Variants in TRIM22 observed in about 807,000 individuals in gnomAD.
TRIM22 encodes the protein E3 ubiquitin-protein ligase TRIM22.
In TRIM22, 45 loss-of-function variants were observed where a neutral mutation model predicts 53.6. The observed-to-expected ratio is 0.84, with a 90% CI of 0.66 to 1.08. The LOEUF (loss-of-function observed/expected upper bound fraction) is 1.08, where lower values mean the gene tolerates loss of function less well. TRIM22 is among the 50% of genes least tolerant of loss of function. The pLI, the probability that TRIM22 is intolerant of heterozygous loss-of-function variation, is 0.00. For missense variants in TRIM22, 616 were observed against 590.9 expected (o/e 1.04, Z -0.44); for synonymous variants, 225 against 216.6 (o/e 1.04, Z -0.34).
In TRIM22 at chr11:5,710,725, T is replaced by C. The variant is rs1256369658; in HGVS notation, c.*1077T>C. ...AACTTTTATTAAATGTAAGGCACTT[T>C]TCTATGAATTTTAAATATAAAAATA... On this transcript the variant is annotated 3_prime_UTR_variant, in exon 8 of 8. Transcript: ENST00000379965. 2 of 152,206 alleles carry C rather than the reference T, an allele frequency of 1.3e-5. No homozygotes were observed. The highest frequency in any genetic ancestry group is 4.8e-5 in the African/African-American group (2 of 41,468). The allele number at this position is 152,206 out of a possible 1,614,324, so 9.4% of individuals were successfully genotyped here.
intron 4 of TRIM22, among the ~76,000 whole-genome samples, chr11:5,702,582 G>GT (rs1486852243): frequency 6.6e-6 from 1 of 151,710 alleles, no homozygotes. Flanking sequence ...TTCACATGTA[G>GT]TGCAGGTACC....
rs569499216 is a variant in TRIM22, at chr11:5,710,185, A to T, written c.*537A>T. 1 of 152,884 alleles carries T rather than the reference A, an allele frequency of 6.5e-6. No individual in the cohort carries two copies. Among genetic ancestry groups the T allele is most frequent in the African/African-American group, 2.4e-5 (1 of 41,594 alleles). 9.5% of individuals were successfully genotyped at this position (152,884 alleles called of 1,614,324 possible). A position where few individuals can be genotyped will look rare whatever the true frequency, so the allele number is the denominator to read the frequency against. On this transcript the variant is annotated 3_prime_UTR_variant, in exon 8 of 8. Coordinates refer to ENST00000379965, the MANE Select transcript of TRIM22 (RefSeq NM_006074.5). ...ATTTGAGGAAGGCACGATTTCACTCATAACAATCTTACCCTTTCTTGCAAG... is the reference window on the plus strand; with the variant it reads ...ATTTGAGGAAGGCACGATTTCACTCTTAACAATCTTACCCTTTCTTGCAAG...
At chr11:5,706,641 CTTAT>C (rs1564943605) in intron 5 of TRIM22, 25 bp downstream of exon 5, 2 of 1,593,316 alleles carry the variant, frequency 1.3e-6, no homozygotes, top group East Asian at 4.5e-5. Flanking sequence ...GAGATGTGGT[CTTAT>C]TTGTCTGAAA....
In TRIM22 at chr11:5,709,439, A is replaced by G. The variant is rs1421785857; in HGVS notation, c.1288A>G (p.Lys430Glu). 6.2e-7 allele frequency: 1 copy of G among 1,614,110 alleles called. No homozygotes were observed. ...TGAGGACTCCTCCTCTTCTGATCCC[A>G]AGGTTTTGACTCTCTTTATGGCTGT... ...AFEDSSSSDP[K>E]VLTLFMAVPP... Residue 430 changes from lysine (K) to glutamate (E), a missense_variant, in exon 8 of 8, where the codon AAG (lysine) becomes GAG (glutamate). Lys to Glu is a moderately conservative substitution (Grantham distance 56, BLOSUM62 1). Transcript: ENST00000379965.
intron 2 of TRIM22, 47 bp downstream of exon 2, chr11:5,696,702 A>C: frequency 6.5e-7 from 1 of 1,544,626 alleles, no homozygotes; most frequent in Non-Finnish European, 8.7e-7. Context: ...AGAAGATGGT[A>C]CCTAATGTGA....
chr11:5,696,532 T>C lies in TRIM22; in HGVS notation c.300T>C (p.His100=), dbSNP rs10838543. The C allele has an allele frequency of 0.49, 783,870 of 1,613,852 alleles. 193,939 individuals carry two copies. Among genetic ancestry groups the C allele is most frequent in the Non-Finnish European group, 0.51 (597,199 of 1,179,942 alleles). The change falls in exon 2 of 8, where the codon CAT becomes CAC. Residue 100 remains histidine (H), a synonymous_variant. Coordinates refer to ENST00000379965, the MANE Select transcript of TRIM22 (RefSeq NM_006074.5). ...EGQKRDVCEH[H]GKKLQIFCKE... ...AGAAGAGAGATGTCTGTGAGCACCA[T>C]GGAAAAAAACTCCAGATCTTCTGTA...
At position 5,698,544 on chromosome 11, in the gene TRIM22, A is replaced by T. The variant is rs945113468; in HGVS notation, c.749A>T (p.Gln250Leu). The T allele has an allele frequency of 6.2e-7, 1 of 1,610,720 alleles. No individual in the cohort carries two copies. The highest frequency in any genetic ancestry group is 8.5e-7 in the Non-Finnish European group (1 of 1,177,730). Residue 250 changes from glutamine to leucine, a missense_variant and splice_region_variant, in exon 4 of 8, where the codon CAG becomes CTG. By Grantham distance (113) the Gln-to-Leu change is moderately radical. Transcript: ENST00000379965. Reference protein sequence around the residue: ...RLRGSSVEMLQDVIDVMKRSE... With the variant: ...RLRGSSVEMLLDVIDVMKRSE... ...AGGGGATCGTCAGTAGAGATGCTGC[A>T]GGTAAGACTTGGGATGGAGCACCTA...
chr11:5,704,329 C>G (rs1480318998), intron 4 of TRIM22, among the ~76,000 whole-genome samples: 4 of 151,926 alleles, frequency 2.6e-5, no homozygotes, highest in African/African-American at 7.3e-5. Context: ...ACACGCTAGT[C>G]TTTTTCTTGA....
chr11:5,698,414 G>A lies in TRIM22; in HGVS notation c.619G>A (p.Glu207Lys), dbSNP rs551436710. ...GCAGAGAGAGCTGCAAAAGCTGGAG[G>A]AAGGTGAGGTGAATGTGCTGGATAA... is the stretch of plus-strand genomic sequence containing the variant. ...EEQRELQKLEEGEVNVLDNLA... is the reference protein window; with the variant it reads ...EEQRELQKLEKGEVNVLDNLA... Residue 207 changes from glutamate to lysine, a missense_variant, in exon 4 of 8, where the codon GAA (glutamate) becomes AAA (lysine). Transcript: ENST00000379965. 53 of 1,614,220 alleles carry A rather than the reference G, an allele frequency of 3.3e-5. 1 individual carries two copies. In the South Asian group the frequency reaches 5.5e-4, roughly 17 times the overall value.
chr11:5,690,471 G>A (rs1853155496), intron 1 of TRIM22, among the ~76,000 whole-genome samples: 1 of 152,152 alleles, frequency 6.6e-6, no homozygotes. Context: ...GGGAAGGGGT[G>A]TGTGTGATGA....
At chr11:5,709,024 T>G in intron 7 of TRIM22, 29 bp from the exon 8 acceptor site, 1 of 1,557,862 alleles carries the variant, frequency 6.4e-7, no homozygotes, top group Non-Finnish European at 8.8e-7. Context: ...TCCCATATCC[T>G]TCACTTGACT....
intron 7 of TRIM22, among the ~76,000 whole-genome samples, 176 bp downstream of exon 7, chr11:5,708,779 C>T (rs1308162335): frequency 5.3e-5 from 8 of 150,082 alleles, no homozygotes; most frequent in Non-Finnish European, 1.0e-4. Flanking sequence ...TGCAATGGCG[C>T]GGTCTCGGCT....
rs756680023 is a variant in TRIM22, at chr11:5,700,584, C to CTTTTTTTTTTTT, written c.750+2049_750+2060dup. Among the ~76,000 whole-genome samples the CTTTTTTTTTTTT allele has an allele frequency of 3.7e-4, 11 of 29,924 alleles. 1 individual carries two copies. The highest frequency in any genetic ancestry group is 9.0e-4 in the African/African-American group (7 of 7,746). The allele number at this position is 29,924 out of a possible 152,430, so 19.6% of individuals were successfully genotyped here. ...TAAGTATGATGTTAGCTATAGGAGT[C>CTTTTTTTTTTTT]TTTTTTTTTTTTTTTTTTTTTCAGA... On this transcript the variant is annotated intron_variant, in intron 4 of 7. Coordinates refer to ENST00000379965, the MANE Select transcript of TRIM22 (RefSeq NM_006074.5).
At chr11:5,704,793 G>A (rs987380700) in intron 4 of TRIM22, among the ~76,000 whole-genome samples, 1 of 151,990 alleles carries the variant, frequency 6.6e-6, no homozygotes, top group Admixed American at 6.6e-5. Flanking sequence ...AGTTATAGTG[G>A]TTATATGGTA....
At chr11:5,703,392 CTT>C (rs35335605) in intron 4 of TRIM22, among the ~76,000 whole-genome samples, 28 of 145,220 alleles carry the variant, frequency 1.9e-4, no homozygotes, top group South Asian at 4.4e-4. Flanking sequence ...CTTTTTTTTT[CTT>C]TTTTTTTTTG....
chr11:5,708,286 AG>A lies in TRIM22; in HGVS notation c.874+17del. 1 of 1,606,154 alleles carries A rather than the reference AG, an allele frequency of 6.2e-7. No individual in the cohort carries two copies. The highest frequency in any genetic ancestry group is 2.2e-5 in the East Asian group (1 of 44,834). Reference sequence around the variant, plus strand: ...CAAGTTCTTAAAGGTAAGGGGATTCAGGGGAAGGCTGTGAATGTGGATTTCT... The same window carrying A: ...CAAGTTCTTAAAGGTAAGGGGATTCAGGGAAGGCTGTGAATGTGGATTTCT... On this transcript the variant is annotated intron_variant, in intron 6 of 7. Transcript: ENST00000379965.
intron 4 of TRIM22, among the ~76,000 whole-genome samples, chr11:5,699,089 T>C (rs1853320137): frequency 6.6e-6 from 1 of 152,234 alleles, no homozygotes; most frequent in Non-Finnish European, 1.5e-5. Flanking sequence ...GAATATATCA[T>C]ATTATGTTTA....
intron 4 of TRIM22, among the ~76,000 whole-genome samples, chr11:5,702,725 A>G (rs970280762): frequency 6.6e-6 from 1 of 152,162 alleles, no homozygotes; most frequent in African/African-American, 2.4e-5. Flanking sequence ...TGAGAATCAG[A>G]AAAACAAAAT....
intron 2 of TRIM22, chr11:5,696,992 T>A: frequency 2.0e-6 from 1 of 507,936 alleles, no homozygotes; most frequent in Non-Finnish European, 3.5e-6. Context: ...ACGTCTTTCC[T>A]TACTGCAGGG....
Sources: allele counts gnomAD v4.1 joint callset (sites outside exome capture counted in the v4.1 genomes callset), GRCh38; gene constraint gnomAD v4.1.1; transcripts MANE v1.5; gene names NCBI Gene and HGNC (gene_info 2026-07-23, HGNC 2026-07-21).